Variants in KDM5A observed in about 807,000 individuals in gnomAD.
KDM5A encodes lysine demethylase 5A.
Under a neutral mutation model 193.5 loss-of-function variants are expected in KDM5A, and 42 were observed. That is an observed-to-expected ratio of 0.22 (90% CI 0.17 to 0.28). The LOEUF is 0.28. Among genes scored for constraint, KDM5A ranks in the 10% least tolerant of loss-of-function variants. The probability of loss-of-function intolerance (pLI) is 1.00; values close to 1 mark genes in which losing one functional copy is unlikely to be tolerated. For missense variants in KDM5A, 1,692 were observed against 2,055.1 expected (o/e 0.82, Z 3.42); for synonymous variants, 796 against 718.1 (o/e 1.11, Z -1.73).
intron 3 of KDM5A, among the ~76,000 whole-genome samples, chr12:379,077 C>T (rs965068627): frequency 6.6e-6 from 1 of 151,014 alleles, no homozygotes; most frequent in Admixed American, 6.6e-5. Context: ...TTAATCAAAA[C>T]AGGAAACCAT....
At chr12:359,777 A>G (rs1290630451) in intron 5 of KDM5A, among the ~76,000 whole-genome samples, 1 of 112,870 alleles carries the variant, frequency 8.9e-6, no homozygotes, top group Admixed American at 1.0e-4. Context: ...GTGGGAGGGA[A>G]GGAGGAAGGG....
intron 3 of KDM5A, among the ~76,000 whole-genome samples, chr12:374,516 ACT>A (rs1244808336): frequency 6.6e-6 from 1 of 151,804 alleles, no homozygotes; most frequent in African/African-American, 2.4e-5. Flanking sequence ...GTGGATCTTG[ACT>A]CTTTATCCAA....
intron 14 of KDM5A, among the ~76,000 whole-genome samples, chr12:328,080 T>C (rs1474203076): frequency 6.6e-6 from 1 of 152,184 alleles, no homozygotes; most frequent in Non-Finnish European, 1.5e-5. Context: ...TTAGGGGTGA[T>C]AGATATATTC....
At chr12:356,595 T>C in intron 5 of KDM5A, 58 bp from the exon 6 acceptor site, 1 of 1,125,666 alleles carries the variant, frequency 8.9e-7, no homozygotes, top group East Asian at 2.4e-5. Flanking sequence ...CATTAATTTT[T>C]TTACCCAAGG....
At position 352,282 on chromosome 12, in the gene KDM5A, C is replaced by A; in HGVS notation, c.1072G>T (p.Val358Leu). Residue 358 changes from valine (V) to leucine (L), a missense_variant, in exon 9 of 28, where the codon GTA becomes TTA. Transcript: ENST00000399788. ...PREAFGFEQA[V>L]REYTLQSFGE... is the part of the protein sequence containing the mutation. ...AAGCTCTGAAGTGTATACTCTCGTA[C>A]AGCTTGTTCAAATCCAAAGGCTTCT... The A allele has an allele frequency of 6.2e-7, 1 of 1,612,642 alleles. No homozygotes were observed. Among genetic ancestry groups the A allele is most frequent in the East Asian group, 2.2e-5 (1 of 44,866 alleles).
At chr12:366,622 G>T (rs1416890538) in intron 3 of KDM5A, among the ~76,000 whole-genome samples, 1 of 152,162 alleles carries the variant, frequency 6.6e-6, no homozygotes, top group African/African-American at 2.4e-5. Flanking sequence ...GTTTTATATG[G>T]AAGATCATAA....
At chr12:325,559 C>G (rs1943772295) in intron 14 of KDM5A, among the ~76,000 whole-genome samples, 1 of 152,116 alleles carries the variant, frequency 6.6e-6, no homozygotes, top group Non-Finnish European at 1.5e-5. Flanking sequence ...GCTTGTAACC[C>G]TAACTACTCA....
chr12:346,779 G>A (rs1368233650), intron 10 of KDM5A, among the ~76,000 whole-genome samples: 1 of 152,082 alleles, frequency 6.6e-6, no homozygotes, highest in Admixed American at 6.6e-5. Flanking sequence ...AATAATAAGA[G>A]CTATTTATGA....
rs1943185744 is a variant in KDM5A, at chr12:283,955, G to C, written c.*1501C>G. 4.3e-6 allele frequency: 1 copy of C among 232,972 alleles called. No individual in the cohort carries two copies. Among genetic ancestry groups the C allele is most frequent in the Non-Finnish European group, 8.5e-6 (1 of 117,850 alleles). The allele number at this position is 232,972 out of a possible 1,614,324, so 14.4% of individuals were successfully genotyped here. A position where few individuals can be genotyped will look rare whatever the true frequency, so the allele number is the denominator to read the frequency against. On this transcript the variant is annotated 3_prime_UTR_variant, in exon 28 of 28. Transcript: ENST00000399788. ...TAGTTTCAAACATTCACACACAAAA[G>C]AAAAAAGAGCCAGCACAGACTAGAG... is the stretch of plus-strand genomic sequence containing the variant.
chr12:322,504 A>G lies in KDM5A; in HGVS notation c.2339T>C (p.Leu780Pro). 1.2e-6 allele frequency: 2 copies of G among 1,613,386 alleles called. No homozygotes were observed. Among genetic ancestry groups the G allele is most frequent in the Non-Finnish European group, 1.7e-6 (2 of 1,179,516 alleles). ...AEDRKYPENDLFRKLRDAVKE... is the reference protein window; with the variant it reads ...AEDRKYPENDPFRKLRDAVKE... ...TACAGCATCCCTGAGTTTTCGAAAG[A>G]GATCATTCTCTGGGTATTTCCTATC... The change falls in exon 17 of 28, where the codon CTC becomes CCC. Residue 780 changes from leucine to proline, a missense_variant. Coordinates refer to ENST00000399788, the MANE Select transcript of KDM5A (RefSeq NM_001042603.3).
At chr12:369,567 A>G (rs968188298) in intron 3 of KDM5A, among the ~76,000 whole-genome samples, 2 of 152,216 alleles carry the variant, frequency 1.3e-5, no homozygotes, top group African/African-American at 4.8e-5. Context: ...CTGAAGTATT[A>G]AACGATTGCA....
chr12:383,764 T>C (rs1944605554), intron 3 of KDM5A, among the ~76,000 whole-genome samples: 1 of 152,140 alleles, frequency 6.6e-6, no homozygotes, highest in Admixed American at 6.6e-5. Flanking sequence ...CTTTTTTTTT[T>C]TGAGACCGAG....
rs958977138 is a variant in KDM5A at position 316,870 on chromosome 12, A to G, written c.2897+1236T>C. Among the ~76,000 whole-genome samples the G allele has an allele frequency of 2.0e-5, 3 of 152,236 alleles. No individual in the cohort carries two copies. The East Asian group carries it at 5.8e-4, about 29-fold the overall frequency. On this transcript the variant is annotated intron_variant, in intron 19 of 27. Transcript: ENST00000399788. ...TTTCTTACCAAAATGCATCCAAAGT[A>G]AGTGGCTGGCAAAGTAGTTAAGTAC...
At chr12:331,160 T>C (rs1943861770) in intron 13 of KDM5A, among the ~76,000 whole-genome samples, 1 of 152,014 alleles carries the variant, frequency 6.6e-6, no homozygotes, top group Admixed American at 6.6e-5. Flanking sequence ...ATTAAGGAAT[T>C]TGTAAAAATC....
chr12:371,334 T>C (rs148000331), intron 3 of KDM5A, among the ~76,000 whole-genome samples: 3,538 of 152,330 alleles, frequency 0.023, 121 homozygotes, highest in African/African-American at 0.08. Context: ...GGTATCTCAT[T>C]GTGGTTTTGA....
intron 10 of KDM5A, among the ~76,000 whole-genome samples, chr12:337,217 C>T (rs1416871669): frequency 1.3e-5 from 2 of 152,200 alleles, no homozygotes; most frequent in African/African-American, 2.4e-5. Flanking sequence ...CCCGAAGCCT[C>T]CTCAGCCATG....
intron 14 of KDM5A, among the ~76,000 whole-genome samples, chr12:326,789 C>T (rs920253675): frequency 9.3e-5 from 14 of 150,008 alleles, no homozygotes; most frequent in East Asian, 5.9e-4. Context: ...GGCGTGGACC[C>T]GCAGGGCGGA....
chr12:287,497 C>CAAA (rs58615505), intron 27 of KDM5A, among the ~76,000 whole-genome samples: 2 of 121,812 alleles, frequency 1.6e-5, no homozygotes, highest in East Asian at 2.4e-4. Flanking sequence ...AATCAGAGAC[C>CAAA]AAAAAAAAAA....
At chr12:336,470 A>C (rs1943935146) in intron 10 of KDM5A, among the ~76,000 whole-genome samples, 1 of 152,186 alleles carries the variant, frequency 6.6e-6, no homozygotes. Context: ...CAACAGGCTA[A>C]CAAAAAAGGA....
Sources: gnomAD v4.1 joint callset for allele counts (sites outside exome capture counted in the v4.1 genomes callset) on GRCh38, gnomAD v4.1.1 for gene constraint, MANE v1.5 for transcripts, NCBI Gene and HGNC (gene_info 2026-07-23, HGNC 2026-07-21) for gene names.